TMEM45A: variants seen among roughly 807,000 people sequenced by gnomAD.
The protein encoded by TMEM45A is transmembrane protein 45A.
Under a neutral mutation model 32.0 loss-of-function variants are expected in TMEM45A, and 25 were observed. The observed-to-expected ratio is 0.78, with a 90% confidence interval of 0.57 to 1.09. The LOEUF is 1.09. TMEM45A is among the 50% of genes least tolerant of loss of function. The pLI is 0.00. For synonymous variants in TMEM45A, 122 were observed against 114.8 expected (o/e 1.06, Z -0.40); for missense variants, 302 against 325.0 (o/e 0.93, Z 0.54).
At chr3:100,509,983 T>C (rs1458762099) in intron 1 of TMEM45A, among the ~76,000 whole-genome samples, 1 of 151,944 alleles carries the variant, frequency 6.6e-6, no homozygotes, top group Non-Finnish European at 1.5e-5. Flanking sequence ...CACGGAGTCT[T>C]GCTGATTGCT....
chr3:100,505,118 A>G (rs556533954), intron 1 of TMEM45A, among the ~76,000 whole-genome samples: 7 of 152,252 alleles, frequency 4.6e-5, no homozygotes, highest in Admixed American at 2.0e-4. Context: ...TGCATTGGTT[A>G]TTTAATGACT....
Position 100,568,845 on chromosome 3 carries a change from C to T in TMEM45A, c.612C>T (p.Pro204=). The change falls in exon 5 of 6, where the codon CCC becomes CCT. Residue 204 remains proline (P), a synonymous_variant. Transcript: ENST00000323523. ...FFQIGFVLYP[P]SGGPAWDLMD... is the part of the protein sequence containing the mutation. ...AGATTGGATTTGTCCTGTATCCCCC[C>T]AGTGGAGGTCCTGCATGGGATCTGA... 1 of 1,613,130 alleles carries T rather than the reference C, an allele frequency of 6.2e-7. No individual in the cohort carries two copies. Among genetic ancestry groups the T allele is most frequent in the Non-Finnish European group, 8.5e-7 (1 of 1,179,304 alleles).
At chr3:100,532,693 A>G (rs1705667795) in intron 1 of TMEM45A, among the ~76,000 whole-genome samples, 1 of 152,180 alleles carries the variant, frequency 6.6e-6, no homozygotes, top group Non-Finnish European at 1.5e-5. Flanking sequence ...CATGGAGATG[A>G]GTGGAAATGA....
intron 5 of TMEM45A, chr3:100,574,482 A>G (rs1451513125): frequency 6.6e-6 from 1 of 152,234 alleles, no homozygotes; most frequent in African/African-American, 2.4e-5. Flanking sequence ...GACCAATAAC[A>G]GGCTCTGAAA....
At chr3:100,510,075 T>TAAATAC (rs1482454511) in intron 1 of TMEM45A, among the ~76,000 whole-genome samples, 62 of 152,074 alleles carry the variant, frequency 4.1e-4, no homozygotes, top group Non-Finnish European at 8.1e-4. Context: ...CTTGCTTAGG[T>TAAATAC]AAACAAAGCA....
chr3:100,504,484 A>G (rs969389211), intron 1 of TMEM45A, among the ~76,000 whole-genome samples: 1 of 152,168 alleles, frequency 6.6e-6, no homozygotes, highest in African/African-American at 2.4e-5. Flanking sequence ...TTCTTGAAAA[A>G]TACAACTAAA....
intron 4 of TMEM45A, among the ~76,000 whole-genome samples, chr3:100,561,343 T>C (rs971207865): frequency 6.6e-6 from 1 of 152,222 alleles, no homozygotes; most frequent in Non-Finnish European, 1.5e-5. Context: ...GTTAATATGT[T>C]AATACTTGTG....
At chr3:100,561,981 G>A (rs1342258215) in intron 4 of TMEM45A, among the ~76,000 whole-genome samples, 2 of 152,128 alleles carry the variant, frequency 1.3e-5, no homozygotes, top group Non-Finnish European at 2.9e-5. Context: ...GGTCTGATGC[G>A]GCAGCAGATC....
At chr3:100,547,024 A>T (rs926373774) in intron 1 of TMEM45A, among the ~76,000 whole-genome samples, 1 of 152,218 alleles carries the variant, frequency 6.6e-6, no homozygotes, top group African/African-American at 2.4e-5. Context: ...ATCCAAGTAT[A>T]GATTTTTACT....
intron 1 of TMEM45A, among the ~76,000 whole-genome samples, chr3:100,512,744 A>G (rs1308813477): frequency 4.0e-5 from 6 of 150,392 alleles, no homozygotes; most frequent in African/African-American, 7.3e-5. Context: ...TAATAAAGAA[A>G]AAAAGAGAGA....
At chr3:100,560,156 T>C (rs1706304706) in intron 4 of TMEM45A, among the ~76,000 whole-genome samples, 1 of 152,142 alleles carries the variant, frequency 6.6e-6, no homozygotes, top group Admixed American at 6.5e-5. Context: ...CACTTTCTAA[T>C]AGAAGTCTGT....
At chr3:100,552,789 T>G (rs779188023) in intron 1 of TMEM45A, among the ~76,000 whole-genome samples, 1 of 152,150 alleles carries the variant, frequency 6.6e-6, no homozygotes, top group South Asian at 2.1e-4. Flanking sequence ...TAGAACCTCA[T>G]AGTATGTAAG....
intron 1 of TMEM45A, among the ~76,000 whole-genome samples, chr3:100,503,772 G>A (rs938309335): frequency 3.9e-5 from 6 of 152,076 alleles, no homozygotes; most frequent in Non-Finnish European, 7.3e-5. Context: ...TTACCCTCAT[G>A]GACAACTTGT....
intron 1 of TMEM45A, among the ~76,000 whole-genome samples, chr3:100,514,107 A>G (rs954430715): frequency 2.0e-5 from 3 of 152,236 alleles, no homozygotes; most frequent in African/African-American, 7.2e-5. Flanking sequence ...GACTTTCTTC[A>G]CAGAATTGAA....
At chr3:100,573,270 A>G (rs1706609202) in intron 5 of TMEM45A, 1 of 151,076 alleles carries the variant, frequency 6.6e-6, no homozygotes, top group African/African-American at 2.4e-5. Flanking sequence ...ATCCTCTTTT[A>G]TTTCCTTGAG....
In TMEM45A at chr3:100,492,755, T is replaced by TCCCCCCCCCCCCCCCCCCCCCC. The variant is rs755848570; in HGVS notation, c.-175_-174insCCCCCCCCCCCCCCCCCCCCCC. ...CGACTAGGGACCCAAGTTTAAAAAT[T>TCCCCCCCCCCCCCCCCCCCCCC]CCTCCCCCCACCCAATGCGAGACGT... On this transcript the variant is annotated 5_prime_UTR_variant, in exon 1 of 6. Transcript: ENST00000323523. 7.0e-6 allele frequency: 1 copy of TCCCCCCCCCCCCCCCCCCCCCC among 143,526 alleles called. No homozygotes were observed. The highest frequency in any genetic ancestry group is 2.7e-5 in the African/African-American group (1 of 36,840). 8.9% of individuals were successfully genotyped at this position (143,526 alleles called of 1,614,324 possible). A position where few individuals can be genotyped will look rare whatever the true frequency, so the allele number is the denominator to read the frequency against.
intron 4 of TMEM45A, among the ~76,000 whole-genome samples, chr3:100,563,393 A>G (rs1706371349): frequency 6.6e-6 from 1 of 152,180 alleles, no homozygotes; most frequent in South Asian, 2.1e-4. Flanking sequence ...GGATTTCAGC[A>G]TATTGGCAGA....
At chr3:100,539,497 G>A (rs984147245) in intron 1 of TMEM45A, among the ~76,000 whole-genome samples, 3 of 70,610 alleles carry the variant, frequency 4.2e-5, no homozygotes, top group African/African-American at 1.6e-4. Context: ...ATATGTATAC[G>A]TATACGTATA....
At position 100,519,495 on chromosome 3, in the gene TMEM45A, C is replaced by T; in HGVS notation, c.-4+26567C>T. ...CAGCATTACCTAAGAAGCAAAGGCT[C>T]AATTTTGGCTGCTTCATTCTTATCT... is the stretch of plus-strand genomic sequence containing the variant. On this transcript the variant is annotated intron_variant, in intron 1 of 5. Coordinates refer to ENST00000323523, the MANE Select transcript of TMEM45A (RefSeq NM_018004.3). 6 of 1,478,634 alleles carry T rather than the reference C, an allele frequency of 4.1e-6. No individual in the cohort carries two copies. The South Asian group carries it at 7.4e-5, about 18-fold the overall frequency. The allele number at this position is 1,478,634 out of a possible 1,614,324, so 91.6% of individuals were successfully genotyped here.
Sources: gnomAD v4.1 joint callset for allele counts (sites outside exome capture counted in the v4.1 genomes callset) on GRCh38, gnomAD v4.1.1 for gene constraint, MANE v1.5 for transcripts, NCBI Gene and HGNC (gene_info 2026-07-23, HGNC 2026-07-21) for gene names.